The following CCDC9 variants were observed in gnomAD, a reference collection of about 807,000 sequenced individuals.
The protein encoded by CCDC9 is coiled-coil domain containing 9.
CCDC9 carries 52 observed loss-of-function variants against 65.6 expected under a neutral mutation model. That is an observed-to-expected ratio of 0.79 (90% CI 0.63 to 1.00). The LOEUF is 1.00. Ranked by LOEUF, CCDC9 falls within the 50% of genes least tolerant of loss-of-function variation. CCDC9 has a pLI of 0.00. For missense variants in CCDC9, 834 were observed against 757.2 expected, an observed-to-expected ratio of 1.10 and a Z score of -1.19; for synonymous variants, 332 against 280.3, an observed-to-expected ratio of 1.18 and a Z score of -1.84.
Position 47,256,607 on chromosome 19 carries a change from C to G in CCDC9, c.-74C>G, listed in dbSNP as rs893367183. ...CGCGGACGCCGCGGGGTCTCCGGGA[C>G]AGGTGACCTGGGGGAGGGGGCCGGG... On this transcript the variant is annotated splice_region_variant and 5_prime_UTR_variant, in exon 1 of 12. Transcript: ENST00000221922. 7.0e-6 allele frequency: 1 copy of G among 143,388 alleles called. No individual in the cohort carries two copies. Among genetic ancestry groups the G allele is most frequent in the African/African-American group, 2.5e-5 (1 of 39,374 alleles). The allele number at this position is 143,388 out of a possible 1,614,324, so 8.9% of individuals were successfully genotyped here.
downstream of CCDC9, chr19:47,274,628 A>C: frequency 3.3e-5 from 6 of 183,386 alleles, no homozygotes; most frequent in Admixed American, 8.8e-5. Context: ...TGGGAAGAGA[A>C]CCGTGTTGTG....
In CCDC9 at chr19:47,271,634, G is replaced by GGC; in HGVS notation, c.1555_1556dup (p.Leu520ProfsTer42). 1 of 1,607,406 alleles carries GGC rather than the reference G, an allele frequency of 6.2e-7. No individual in the cohort carries two copies. Among genetic ancestry groups the GGC allele is most frequent in the African/African-American group, 1.3e-5 (1 of 74,716 alleles). On this transcript the variant is annotated frameshift_variant, in exon 12 of 12. Transcript: ENST00000221922. LOFTEE classifies it high-confidence loss of function. Reference sequence around the variant, plus strand: ...TTCTCCCCGGACCACTCACCTGGCTGGCGCCCTCTCCCCGGGTGAGGCCTG... The same window carrying GGC: ...TTCTCCCCGGACCACTCACCTGGCTGGCGCGCCCTCTCCCCGGGTGAGGCCTG...
downstream of CCDC9, chr19:47,275,319 G>T (rs1345821725): frequency 6.5e-7 from 1 of 1,546,078 alleles, no homozygotes. Context: ...AGAGACGCCA[G>T]AGGCCGCGGA....
At chr19:47,273,567 AG>A (rs1186062144), downstream of CCDC9, 7 of 424,880 alleles carry the variant, frequency 1.6e-5, no homozygotes, top group Non-Finnish European at 2.8e-5. Context: ...GTTAAATCTA[AG>A]GGGGGAGGAG....
chr19:47,272,831 C>T (rs188635918), downstream of CCDC9, among the ~76,000 whole-genome samples: 2 of 152,078 alleles, frequency 1.3e-5, no homozygotes, highest in African/African-American at 4.8e-5. Context: ...GAAGTGCGAG[C>T]AAGAGGCCAA....
chr19:47,267,025 C>T (rs1307868098), intron 8 of CCDC9, among the ~76,000 whole-genome samples: 2 of 148,604 alleles, frequency 1.3e-5, no homozygotes, highest in African/African-American at 2.5e-5. Context: ...AGTGCAGTGG[C>T]GTGATCTCGG....
At chr19:47,268,146 A>G (rs2059094629) in intron 8 of CCDC9, among the ~76,000 whole-genome samples, 1 of 151,906 alleles carries the variant, frequency 6.6e-6, no homozygotes, top group Admixed American at 6.6e-5. Flanking sequence ...CGCGCCCGGC[A>G]CCACCACCTT....
chr19:47,261,859 A>G (rs1243074230), intron 5 of CCDC9, among the ~76,000 whole-genome samples: 1 of 150,772 alleles, frequency 6.6e-6, no homozygotes, highest in African/African-American at 2.4e-5. Flanking sequence ...CATCTCTACT[A>G]AAAGTACAAA....
chr19:47,270,740 GT>G (rs1405025974), intron 10 of CCDC9, 52 bp downstream of exon 10: 1 of 1,537,914 alleles, frequency 6.5e-7, no homozygotes, highest in African/African-American at 1.4e-5. Context: ...TCCGCAGGGC[GT>G]TCTCTTCTTT....
chr19:47,263,652 G>A (rs564387294), intron 5 of CCDC9, among the ~76,000 whole-genome samples: 18 of 150,718 alleles, frequency 1.2e-4, no homozygotes, highest in Non-Finnish European at 2.2e-4. Context: ...TGCAACCTCC[G>A]CCTTTTGGTT....
intron 5 of CCDC9, among the ~76,000 whole-genome samples, chr19:47,262,809 G>A (rs984261517): frequency 7.9e-5 from 12 of 152,052 alleles, no homozygotes; most frequent in Non-Finnish European, 1.6e-4. Flanking sequence ...TGGAATGCTG[G>A]GTGCTGTGGT....
chr19:47,275,404 C>T, downstream of CCDC9: 1 of 1,509,656 alleles, frequency 6.6e-7, no homozygotes, highest in Non-Finnish European at 8.9e-7. Context: ...GTGCTCCACG[C>T]CGAGGATGCA....
chr19:47,274,289 C>G (rs1356541487), downstream of CCDC9, among the ~76,000 whole-genome samples: 32 of 150,774 alleles, frequency 2.1e-4, no homozygotes, highest in Admixed American at 2.1e-3. Flanking sequence ...GGGCCGGAAT[C>G]CTGACAGGCG....
chr19:47,259,444 T>C (rs1339005628), intron 3 of CCDC9, among the ~76,000 whole-genome samples: 1 of 151,890 alleles, frequency 6.6e-6, no homozygotes, highest in Non-Finnish European at 1.5e-5. Flanking sequence ...AGGAGGAAGC[T>C]GGGGCTGGAA....
chr19:47,261,005 C>T (rs1201742808), intron 5 of CCDC9, among the ~76,000 whole-genome samples, 166 bp downstream of exon 5: 5 of 152,140 alleles, frequency 3.3e-5, no homozygotes, highest in Non-Finnish European at 5.9e-5. Context: ...TCCTTCTCCT[C>T]CTCCTGCTCC....
chr19:47,261,080 C>G (rs2059042672), intron 5 of CCDC9, among the ~76,000 whole-genome samples: 1 of 152,010 alleles, frequency 6.6e-6, no homozygotes, highest in Admixed American at 6.6e-5. Flanking sequence ...TTCCTTGTCT[C>G]TTTCTCTCCT....
In CCDC9 at chr19:47,271,546, C is replaced by T; in HGVS notation, c.1464C>T (p.Ser488=). 4.3e-6 allele frequency: 7 copies of T among 1,613,210 alleles called. No homozygotes were observed. The highest frequency in any genetic ancestry group is 5.9e-6 in the Non-Finnish European group (7 of 1,179,944). ...LEPQAPGTPS[S]PFSPPSGHQP... ...CCCAGGCCCCTGGCACGCCTTCCAG[C>T]CCTTTCTCACCACCCAGCGGCCACC... Residue 488 remains serine, a synonymous_variant, in exon 12 of 12, where the codon AGC becomes AGT. Coordinates refer to ENST00000221922, the MANE Select transcript of CCDC9 (RefSeq NM_015603.3).
At chr19:47,260,222 C>T (rs750838789) in intron 3 of CCDC9, 99 bp from the exon 4 acceptor site, 32 of 816,554 alleles carry the variant, frequency 3.9e-5, no homozygotes, top group Non-Finnish European at 6.5e-5. Flanking sequence ...AGGAGAGAGG[C>T]CTGGGCTGGG....
At chr19:47,262,899 A>G (rs2123455107) in intron 5 of CCDC9, among the ~76,000 whole-genome samples, 1 of 152,158 alleles carries the variant, frequency 6.6e-6, no homozygotes, top group African/African-American at 2.4e-5. Context: ...CAGGCTGGGC[A>G]ACAGAGTGAG....
Sources: gnomAD v4.1 joint callset for allele counts (sites outside exome capture counted in the v4.1 genomes callset) on GRCh38, gnomAD v4.1.1 for gene constraint, MANE v1.5 for transcripts, NCBI Gene and HGNC (gene_info 2026-07-23, HGNC 2026-07-21) for gene names.